CAND1: variants seen among roughly 807,000 people sequenced by gnomAD.
The protein encoded by CAND1 is cullin-associated NEDD8-dissociated protein 1.
A neutral mutation model predicts 108.5 loss-of-function variants in CAND1; 7 were observed. The ratio of observed to expected loss-of-function variants is 0.06; its 90% confidence interval spans 0.04 to 0.12. The LOEUF is 0.12. Ranked by LOEUF, CAND1 falls within the 10% of genes least tolerant of loss-of-function variation. The probability of loss-of-function intolerance (pLI) is 1.00; values close to 1 mark genes in which losing one functional copy is unlikely to be tolerated. For synonymous variants in CAND1, 534 were observed against 512.0 expected, an observed-to-expected ratio of 1.04 and a Z score of -0.58; for missense variants, 941 against 1,448.7, an observed-to-expected ratio of 0.65 and a Z score of 5.69.
chr12:67,290,993 C>T (rs956513913), intron 2 of CAND1, among the ~76,000 whole-genome samples: 3 of 152,068 alleles, frequency 2.0e-5, no homozygotes, highest in South Asian at 2.1e-4. Context: ...GATCTGAGGT[C>T]GAACAGTTTG....
At chr12:67,308,700 C>T (rs923826235) in intron 11 of CAND1, among the ~76,000 whole-genome samples, 5 of 151,876 alleles carry the variant, frequency 3.3e-5, no homozygotes, top group African/African-American at 9.7e-5. Flanking sequence ...TTACTGAAAG[C>T]GGATATATAC....
intron 2 of CAND1, among the ~76,000 whole-genome samples, chr12:67,286,574 T>TG (rs1565718458): frequency 1.3e-5 from 2 of 151,852 alleles, no homozygotes; most frequent in South Asian, 2.1e-4. Context: ...TTTTTTTTTT[T>TG]TGTGCATGGA....
chr12:67,272,937 C>T (rs2044534766), intron 1 of CAND1, among the ~76,000 whole-genome samples: 1 of 152,116 alleles, frequency 6.6e-6, no homozygotes, highest in Non-Finnish European at 1.5e-5. Flanking sequence ...CCTCGTGATC[C>T]ACCCGCCTGG....
intron 2 of CAND1, among the ~76,000 whole-genome samples, chr12:67,287,335 T>C (rs2044681383): frequency 6.6e-6 from 1 of 152,204 alleles, no homozygotes; most frequent in African/African-American, 2.4e-5. Flanking sequence ...GTCCTTTATA[T>C]TTCCATGTAA....
chr12:67,303,840 G>A (rs2044850220), intron 8 of CAND1, among the ~76,000 whole-genome samples: 1 of 152,086 alleles, frequency 6.6e-6, no homozygotes. Context: ...CAAATGGAAA[G>A]TAAGAAAAGG....
chr12:67,272,696 GT>G (rs749785712), intron 1 of CAND1, among the ~76,000 whole-genome samples: 21 of 151,382 alleles, frequency 1.4e-4, no homozygotes, highest in Non-Finnish European at 2.5e-4. Flanking sequence ...TGTTGTTTTG[GT>G]TTTTTTTGTT....
rs144441736 is a variant in CAND1, at chr12:67,275,992, A to G, written c.69-5918A>G. Among the ~76,000 whole-genome samples the G allele has an allele frequency of 4.6e-5, 7 of 152,234 alleles. No homozygotes were observed. In the East Asian group the frequency reaches 1.4e-3, roughly 29 times the overall value. On this transcript the variant is annotated intron_variant, in intron 1 of 14. Coordinates refer to ENST00000545606, the MANE Select transcript of CAND1 (RefSeq NM_018448.5). ...CCTTATTTTGGCCTGTTAAATTACCATCCACTGAAAGTCACAAGCAGAAAA... is the reference window on the plus strand; with the variant it reads ...CCTTATTTTGGCCTGTTAAATTACCGTCCACTGAAAGTCACAAGCAGAAAA...
intron 11 of CAND1, among the ~76,000 whole-genome samples, chr12:67,309,069 A>G (rs940934896): frequency 6.6e-6 from 1 of 152,038 alleles, no homozygotes; most frequent in African/African-American, 2.4e-5. Context: ...TGTCTTCAAC[A>G]ATATATGCGC....
At position 67,312,927 on chromosome 12, in the gene CAND1, T is replaced by A; in HGVS notation, c.*97T>A. On this transcript the variant is annotated 3_prime_UTR_variant, in exon 15 of 15. Transcript: ENST00000545606. ...ATGGAAAGAGAAGTGTCTAAAAGCTTCAAAATGTTCCACTTTTTTTTCCTT... is the reference window on the plus strand; with the variant it reads ...ATGGAAAGAGAAGTGTCTAAAAGCTACAAAATGTTCCACTTTTTTTTCCTT... 1.3e-6 allele frequency: 1 copy of A among 759,176 alleles called. No homozygotes were observed. The highest frequency in any genetic ancestry group is 2.0e-6 in the Non-Finnish European group (1 of 488,698). 47.0% of individuals were successfully genotyped at this position (759,176 alleles called of 1,614,324 possible).
rs186573145 is a variant in CAND1, at chr12:67,319,425, A to T, written c.*6595A>T. 6.6e-6 allele frequency: 1 copy of T among 152,308 alleles called. No individual in the cohort carries two copies. Among genetic ancestry groups the T allele is most frequent in the Non-Finnish European group, 1.5e-5 (1 of 68,038 alleles). The allele number at this position is 152,308 out of a possible 1,614,324, so 9.4% of individuals were successfully genotyped here. On this transcript the variant is annotated 3_prime_UTR_variant, in exon 15 of 15. Coordinates refer to ENST00000545606, the MANE Select transcript of CAND1 (RefSeq NM_018448.5). The stretch of plus-strand genomic sequence containing the variant: ...CTTAGCTGGCTGCTTTTCATCTTGT[A>T]GGTTAGGTCAAGGACTCCAGGAAGT...
Position 67,310,021 on chromosome 12 carries a change from T to A in CAND1, c.3146T>A (p.Leu1049His). 6.2e-7 allele frequency: 1 copy of A among 1,612,538 alleles called. No individual in the cohort carries two copies. Among genetic ancestry groups the A allele is most frequent in the South Asian group, 1.1e-5 (1 of 90,992 alleles). Residue 1049 changes from leucine (L) to histidine (H), a missense_variant, in exon 12 of 15, where the codon CTT (leucine) becomes CAT (histidine). Transcript: ENST00000545606. ...SLIRDLLDTVLPHLYNETKVR... is the reference protein window; with the variant it reads ...SLIRDLLDTVHPHLYNETKVR... ...ATAAGGGATCTATTGGATACTGTTC[T>A]TCCACATCTTTACAATGAAACAAAA...
intron 1 of CAND1, 33 bp downstream of exon 1, chr12:67,269,818 G>A (rs749804059): frequency 6.3e-7 from 1 of 1,581,384 alleles, no homozygotes; most frequent in Admixed American, 1.7e-5. Context: ...ACCCCACCTC[G>A]GGGTTCTCGC....
intron 7 of CAND1, among the ~76,000 whole-genome samples, chr12:67,301,773 C>T (rs1565725607): frequency 6.6e-6 from 1 of 152,108 alleles, no homozygotes; most frequent in South Asian, 2.1e-4. Context: ...AGTGAAAAGC[C>T]TTGTAGTCAC....
rs761016572 is a variant in CAND1 at position 67,295,016 on chromosome 12, GCTT to G, written c.368-13_368-11del. 3.1e-6 allele frequency: 5 copies of G among 1,602,724 alleles called. No homozygotes were observed. In the East Asian group the frequency reaches 1.1e-4, roughly 36 times the overall value. On this transcript the variant is annotated splice_polypyrimidine_tract_variant and intron_variant, in intron 3 of 14. Transcript: ENST00000545606. ...CATGCTTGCCTTGAAATTATTATTG[GCTT>G]CTTATTCATGCAGGCTCTGCATTAG...
chr12:67,280,206 A>C lies in CAND1; in HGVS notation c.69-1704A>C, dbSNP rs1592605041. 3.9e-5 allele frequency among the ~76,000 whole-genome samples: 6 copies of C among 152,228 alleles called. 1 individual carries two copies. In the East Asian group the frequency reaches 1.2e-3, roughly 29 times the overall value. ...AGTTTTACAGAACGTGGTAAGAATTAAACTATTAGGTTGGTGCAAAAGTAA... is the reference window on the plus strand; with the variant it reads ...AGTTTTACAGAACGTGGTAAGAATTCAACTATTAGGTTGGTGCAAAAGTAA... On this transcript the variant is annotated intron_variant, in intron 1 of 14. Coordinates refer to ENST00000545606, the MANE Select transcript of CAND1 (RefSeq NM_018448.5).
At position 67,316,856 on chromosome 12, in the gene CAND1, A is replaced by C. The variant is rs1351187900; in HGVS notation, c.*4026A>C. The C allele has an allele frequency of 2.6e-5, 4 of 152,170 alleles. No individual in the cohort carries two copies. Among genetic ancestry groups the C allele is most frequent in the Non-Finnish European group, 5.9e-5 (4 of 68,032 alleles). 9.4% of individuals were successfully genotyped at this position (152,170 alleles called of 1,614,324 possible). A position where few individuals can be genotyped will look rare whatever the true frequency, so the allele number is the denominator to read the frequency against. ...GAATGCTCTCAAAAAAATAGTAAAG[A>C]ATTGTACTTCAGGGCCAGATGGCAG... On this transcript the variant is annotated 3_prime_UTR_variant, in exon 15 of 15. Transcript: ENST00000545606.
In CAND1 at chr12:67,319,880, G is replaced by C. The variant is rs1340912429; in HGVS notation, c.*7050G>C. On this transcript the variant is annotated 3_prime_UTR_variant, in exon 15 of 15. Transcript: ENST00000545606. ...TCCTTCTTGCTCTATATATGGTTTT[G>C]GATTCATTCCTTTTAAAAAATATTT... is the stretch of plus-strand genomic sequence containing the variant. 1 of 152,020 alleles carries C rather than the reference G, an allele frequency of 6.6e-6. No homozygotes were observed. Among genetic ancestry groups the C allele is most frequent in the East Asian group, 1.9e-4 (1 of 5,188 alleles). The allele number at this position is 152,020 out of a possible 1,614,324, so 9.4% of individuals were successfully genotyped here. A position where few individuals can be genotyped will look rare whatever the true frequency, so the allele number is the denominator to read the frequency against.
At chr12:67,303,021 A>G (rs946744150) in intron 8 of CAND1, among the ~76,000 whole-genome samples, 5 of 152,290 alleles carry the variant, frequency 3.3e-5, no homozygotes, top group South Asian at 2.1e-4. Context: ...AGAAATATCT[A>G]CCTGTGGTTG....
intron 2 of CAND1, among the ~76,000 whole-genome samples, chr12:67,291,558 G>A (rs2136004170): frequency 6.6e-6 from 1 of 152,290 alleles, no homozygotes; most frequent in East Asian, 1.9e-4. Context: ...ATAACTTGGG[G>A]ATGGAACCCA....
Sources: gnomAD v4.1 joint callset for allele counts (sites outside exome capture counted in the v4.1 genomes callset) on GRCh38, gnomAD v4.1.1 for gene constraint, MANE v1.5 for transcripts, NCBI Gene and HGNC (gene_info 2026-07-23, HGNC 2026-07-21) for gene names.